The following ITGB3BP variants were observed in gnomAD, a reference collection of about 807,000 sequenced individuals.
The protein encoded by ITGB3BP is integrin subunit beta 3 binding protein, also known as centromere protein R.
Under a neutral mutation model 29.1 loss-of-function variants are expected in ITGB3BP, and 27 were observed. The ratio of observed to expected loss-of-function variants is 0.93; its 90% confidence interval spans 0.68 to 1.28. The LOEUF is 1.28. Ranked by LOEUF, ITGB3BP falls within the 50% of genes most tolerant of loss-of-function variation. The pLI is 0.00. For missense variants in ITGB3BP, 192 were observed against 200.2 expected, an observed-to-expected ratio of 0.96 and a Z score of 0.25; for synonymous variants, 61 against 61.4, an observed-to-expected ratio of 0.99 and a Z score of 0.03.
At chr1:63,506,178 C>T (rs534261266) in intron 2 of ITGB3BP, among the ~76,000 whole-genome samples, 1 of 152,224 alleles carries the variant, frequency 6.6e-6, no homozygotes, top group Non-Finnish European at 1.5e-5. Flanking sequence ...TAAGGACTTG[C>T]TTTATGAATG....
chr1:63,490,158 C>A lies in ITGB3BP; in HGVS notation c.109G>T (p.Gly37Ter). Reference sequence around the variant, plus strand: ...GCAAATAGACTCATTTGACAAGTTCCAGTTGTTGGAGAATAAGTTATAACA... The same window carrying A: ...GCAAATAGACTCATTTGACAAGTTCAAGTTGTTGGAGAATAAGTTATAACA... ...KSVITYSPTT[G>*]TCQMSLFASP... The change falls in exon 3 of 9, where the codon GGA (glycine) becomes TGA (stop). Residue 37 changes from glycine (G) to a stop codon, truncating the protein, a stop_gained. Transcript: ENST00000271002. LOFTEE classifies it high-confidence loss of function. 6.2e-7 allele frequency: 1 copy of A among 1,601,902 alleles called. No homozygotes were observed. Among genetic ancestry groups the A allele is most frequent in the Non-Finnish European group, 8.5e-7 (1 of 1,169,840 alleles).
Position 63,463,395 on chromosome 1 carries a change from T to G in ITGB3BP, c.255-8427A>C, listed in dbSNP as rs927201051. Reference sequence around the variant, plus strand: ...AACTAAATACACACACACAAATGAGTTCATTGCAAAACAGGAAATATGAAT... The same window carrying G: ...AACTAAATACACACACACAAATGAGGTCATTGCAAAACAGGAAATATGAAT... On this transcript the variant is annotated intron_variant, in intron 4 of 8. Transcript: ENST00000271002. 3.3e-5 allele frequency among the ~76,000 whole-genome samples: 5 copies of G among 151,892 alleles called. No homozygotes were observed. The South Asian group carries it at 1.0e-3, about 32-fold the overall frequency.
chr1:63,503,204 A>T (rs940171430), intron 2 of ITGB3BP, among the ~76,000 whole-genome samples: 14 of 152,106 alleles, frequency 9.2e-5, no homozygotes, highest in African/African-American at 3.4e-4. Flanking sequence ...AATGATTGCC[A>T]TTCTAACTGG....
intron 2 of ITGB3BP, among the ~76,000 whole-genome samples, chr1:63,499,657 T>C (rs1645876988): frequency 6.6e-6 from 1 of 152,188 alleles, no homozygotes; most frequent in Non-Finnish European, 1.5e-5. Flanking sequence ...GCAGAATTTA[T>C]GCAAGGAAAG....
chr1:63,512,376 CA>C (rs1646218647), intron 1 of ITGB3BP, among the ~76,000 whole-genome samples: 1 of 151,866 alleles, frequency 6.6e-6, no homozygotes, highest in Non-Finnish European at 1.5e-5. Context: ...TGACTAACAT[CA>C]GTTACAGTAT....
chr1:63,456,458 T>C (rs558622998), intron 4 of ITGB3BP, among the ~76,000 whole-genome samples: 2 of 152,290 alleles, frequency 1.3e-5, no homozygotes, highest in East Asian at 3.9e-4. Flanking sequence ...TTCCTGCTTC[T>C]TCAAATTGGA....
At chr1:63,516,594 C>CA (rs891603281) in intron 1 of ITGB3BP, among the ~76,000 whole-genome samples, 2 of 150,992 alleles carry the variant, frequency 1.3e-5, no homozygotes, top group African/African-American at 4.9e-5. Flanking sequence ...CCTGTAGTCC[C>CA]AGCTACTTGG....
intron 1 of ITGB3BP, among the ~76,000 whole-genome samples, chr1:63,516,618 G>A (rs1010097784): frequency 2.0e-5 from 3 of 150,338 alleles, no homozygotes; most frequent in Non-Finnish European, 4.4e-5. Flanking sequence ...GCTGAGGCAG[G>A]AGGATCACTT....
At chr1:63,525,532 C>G (rs776949556), upstream of ITGB3BP, 13 of 1,397,942 alleles carry the variant, frequency 9.3e-6, no homozygotes, top group Non-Finnish European at 1.2e-5. Flanking sequence ...GTTTTAGTGA[C>G]TCACATTGAC....
chr1:63,443,742 G>A (rs1378670711), intron 8 of ITGB3BP, among the ~76,000 whole-genome samples: 1 of 152,136 alleles, frequency 6.6e-6, no homozygotes, highest in Non-Finnish European at 1.5e-5. Flanking sequence ...GGAGAATTAA[G>A]CATTCTCAGA....
intron 4 of ITGB3BP, among the ~76,000 whole-genome samples, chr1:63,463,226 G>T (rs1557616398): frequency 8.7e-6 from 1 of 115,214 alleles, no homozygotes; most frequent in Non-Finnish European, 1.7e-5. Flanking sequence ...TCCAGCATGG[G>T]CAACAAGAGC....
At chr1:63,462,982 A>C (rs1403903121) in intron 4 of ITGB3BP, among the ~76,000 whole-genome samples, 2 of 152,182 alleles carry the variant, frequency 1.3e-5, no homozygotes, top group Admixed American at 1.3e-4. Context: ...GGCTGGGCAC[A>C]GTGGCTCATG....
intron 4 of ITGB3BP, chr1:63,458,223 CT>C (rs757235298): frequency 2.0e-5 from 3 of 152,196 alleles, no homozygotes; most frequent in Admixed American, 6.5e-5. Context: ...TGTAACTTGA[CT>C]TTCAAAACTA....
At chr1:63,470,057 CTTTAA>C (rs1412475614) in intron 4 of ITGB3BP, among the ~76,000 whole-genome samples, 2 of 152,226 alleles carry the variant, frequency 1.3e-5, no homozygotes, top group African/African-American at 2.4e-5. Context: ...CAACCTATTC[CTTTAA>C]TTCCTTTAAT....
At chr1:63,500,029 AAAG>A (rs777800136) in intron 2 of ITGB3BP, among the ~76,000 whole-genome samples, 4 of 152,214 alleles carry the variant, frequency 2.6e-5, no homozygotes, top group Non-Finnish European at 5.9e-5. Flanking sequence ...GTAGATTGCA[AAAG>A]AAGAAGTAAA....
chr1:63,446,754 AAC>A (rs1173472888), intron 8 of ITGB3BP, 50 bp downstream of exon 8: 15 of 1,267,268 alleles, frequency 1.2e-5, no homozygotes, highest in South Asian at 2.4e-5. Flanking sequence ...ACCTGAACAA[AAC>A]ACAGTGAAAT....
chr1:63,447,937 C>T (rs1433387777), intron 7 of ITGB3BP: 3 of 204,784 alleles, frequency 1.5e-5, no homozygotes, highest in Non-Finnish European at 3.0e-5. Flanking sequence ...CCCAAAAGTC[C>T]AACAATGATA....
chr1:63,468,485 T>A (rs564812060), intron 4 of ITGB3BP, among the ~76,000 whole-genome samples: 1 of 152,228 alleles, frequency 6.6e-6, no homozygotes, highest in Non-Finnish European at 1.5e-5. Context: ...CCCAGCACTT[T>A]GGGAGGCCGA....
At chr1:63,522,884 C>A in intron 1 of ITGB3BP, 2 of 681,010 alleles carry the variant, frequency 2.9e-6, no homozygotes, top group Non-Finnish European at 5.4e-6. Context: ...CTAAATACAG[C>A]CCACAGTTTA....
Sources: gnomAD v4.1 joint callset for allele counts (sites outside exome capture counted in the v4.1 genomes callset) on GRCh38, gnomAD v4.1.1 for gene constraint, MANE v1.5 for transcripts, NCBI Gene and HGNC (gene_info 2026-07-23, HGNC 2026-07-21) for gene names.